The following XRRA1 variants were observed in gnomAD, a reference collection of about 807,000 sequenced individuals.
XRRA1 encodes X-ray radiation resistance-associated protein 1.
XRRA1 carries 69 observed loss-of-function variants against 80.2 expected under a neutral mutation model. That is an observed-to-expected ratio of 0.86 (90% confidence interval 0.71 to 1.05). XRRA1 has a LOEUF of 1.05. Among genes scored for constraint, XRRA1 ranks in the 50% least tolerant of loss-of-function variants. The pLI is 0.00. For missense variants in XRRA1, 967 were observed against 976.4 expected (o/e 0.99, Z 0.13); for synonymous variants, 348 against 389.9 (o/e 0.89, Z 1.27).
At chr11:74,898,438 C>T (rs2052871376) in intron 10 of XRRA1, among the ~76,000 whole-genome samples, 1 of 151,950 alleles carries the variant, frequency 6.6e-6, no homozygotes, top group African/African-American at 2.4e-5. Context: ...ATGTAAATAA[C>T]TAAACTCTCC....
At chr11:74,887,175 C>A (rs1381510770) in intron 10 of XRRA1, among the ~76,000 whole-genome samples, 1 of 152,122 alleles carries the variant, frequency 6.6e-6, no homozygotes, top group East Asian at 1.9e-4. Context: ...GAGTCCATGA[C>A]AAAGATGCCT....
intron 12 of XRRA1, among the ~76,000 whole-genome samples, chr11:74,853,185 A>G (rs968022037): frequency 6.6e-6 from 1 of 152,212 alleles, no homozygotes; most frequent in Non-Finnish European, 1.5e-5. Context: ...GATAAGTGTC[A>G]CAAGAGAGGT....
Position 74,843,010 on chromosome 11 carries a change from C to T in XRRA1, c.*190G>A. 2.8e-6 allele frequency: 2 copies of T among 715,184 alleles called. No homozygotes were observed. The highest frequency in any genetic ancestry group is 4.5e-6 in the Non-Finnish European group (2 of 447,800). 44.3% of individuals were successfully genotyped at this position (715,184 alleles called of 1,614,324 possible). A position where few individuals can be genotyped will look rare whatever the true frequency, so the allele number is the denominator to read the frequency against. ...TCTTTATTGCCGCTGGGCCAGGCAC[C>T]AGGTCATGCCTGGGCCAAGGAGGGG... On this transcript the variant is annotated 3_prime_UTR_variant, in exon 19 of 19. Transcript: ENST00000684022.
chr11:74,883,655 A>G (rs757665338), intron 10 of XRRA1, among the ~76,000 whole-genome samples: 2 of 152,228 alleles, frequency 1.3e-5, no homozygotes, highest in Non-Finnish European at 2.9e-5. Flanking sequence ...ACACATGGAC[A>G]TGCCTTTCTT....
At chr11:74,899,077 G>A (rs2053038085) in intron 10 of XRRA1, among the ~76,000 whole-genome samples, 1 of 151,896 alleles carries the variant, frequency 6.6e-6, no homozygotes, top group Admixed American at 6.6e-5. Flanking sequence ...TGACCATAAT[G>A]GAATAAAATT....
At chr11:74,846,872 A>G (rs1481414145) in intron 15 of XRRA1, among the ~76,000 whole-genome samples, 1 of 151,962 alleles carries the variant, frequency 6.6e-6, no homozygotes, top group Non-Finnish European at 1.5e-5. Flanking sequence ...TCTGTTCATC[A>G]TTGTATTAAA....
intron 10 of XRRA1, among the ~76,000 whole-genome samples, chr11:74,888,322 G>T (rs934236038): frequency 2.0e-5 from 3 of 152,174 alleles, no homozygotes; most frequent in African/African-American, 7.2e-5. Flanking sequence ...GGTCTAGAGT[G>T]GACCTCCAGC....
chr11:74,841,247 T>C lies in XRRA1; in HGVS notation c.*1953A>G, dbSNP rs1292459090. ...CCCATAGAGTGGTCTTTTGAACTGG[T>C]ATCTAAACATACCTGGTTATGAATT... On this transcript the variant is annotated 3_prime_UTR_variant, in exon 19 of 19. Transcript: ENST00000684022. 6.6e-6 allele frequency: 1 copy of C among 152,166 alleles called. No homozygotes were observed. The highest frequency in any genetic ancestry group is 1.5e-5 in the Non-Finnish European group (1 of 68,036). 9.4% of individuals were successfully genotyped at this position (152,166 alleles called of 1,614,324 possible). A position where few individuals can be genotyped will look rare whatever the true frequency, so the allele number is the denominator to read the frequency against.
intron 10 of XRRA1, among the ~76,000 whole-genome samples, chr11:74,868,190 A>C (rs1187665511): frequency 6.6e-6 from 1 of 152,188 alleles, no homozygotes; most frequent in Admixed American, 6.5e-5. Flanking sequence ...AAGTGCTAGG[A>C]TTACAGGTAT....
chr11:74,915,525 A>G (rs1444644412), intron 8 of XRRA1, among the ~76,000 whole-genome samples: 1 of 152,236 alleles, frequency 6.6e-6, no homozygotes, highest in African/African-American at 2.4e-5. Context: ...TGCCAATGGC[A>G]GAGGCCACTG....
chr11:74,903,189 TACATATACATA>T (rs2053899648), intron 10 of XRRA1, among the ~76,000 whole-genome samples: 6 of 152,342 alleles, frequency 3.9e-5, no homozygotes, highest in African/African-American at 1.4e-4. Context: ...TTTTTAAAAC[TACATATACATA>T]TACTCTGTCA....
chr11:74,851,913 G>T, intron 13 of XRRA1, 76 bp downstream of exon 13: 1 of 1,250,840 alleles, frequency 8.0e-7, no homozygotes, highest in Non-Finnish European at 1.2e-6. Context: ...GCTTGGCATT[G>T]ATGAGGTGGG....
rs1366292246 is a variant in XRRA1 at position 74,848,115 on chromosome 11, C to T, written c.1728G>A (p.Gln576=). 6.2e-7 allele frequency: 1 copy of T among 1,605,534 alleles called. No individual in the cohort carries two copies. Among genetic ancestry groups the T allele is most frequent in the Non-Finnish European group, 8.5e-7 (1 of 1,177,962 alleles). The change falls in exon 15 of 19, where the codon CAG becomes CAA. Residue 576 remains glutamine (Q), a splice_region_variant and synonymous_variant. Transcript: ENST00000684022. The part of the protein sequence containing the change: ...SKSTESIFLT[Q]VSELPSSVIH... ...GGCAGGGGCAGCTGGATACAGGTAC[C>T]TGGGTCAGGAAGATGGACTCTGTGC...
At chr11:74,936,376 C>T (rs1023126362) in intron 4 of XRRA1, among the ~76,000 whole-genome samples, 2 of 152,366 alleles carry the variant, frequency 1.3e-5, no homozygotes, top group Non-Finnish European at 1.5e-5. Flanking sequence ...AGGACCCAGT[C>T]CCACTCAATC....
intron 10 of XRRA1, among the ~76,000 whole-genome samples, chr11:74,868,109 G>C (rs978135211): frequency 2.0e-5 from 3 of 152,002 alleles, no homozygotes; most frequent in Non-Finnish European, 4.4e-5. Flanking sequence ...AGTAGAGACA[G>C]GGTTTCACCA....
intron 14 of XRRA1, among the ~76,000 whole-genome samples, chr11:74,850,486 T>TA (rs2039501455): frequency 6.6e-6 from 1 of 152,180 alleles, no homozygotes; most frequent in African/African-American, 2.4e-5. Context: ...CATCTGTATT[T>TA]AACTTTTGGG....
At chr11:74,921,086 A>G (rs1262251857) in intron 8 of XRRA1, 128 bp downstream of exon 8, 2 of 1,253,048 alleles carry the variant, frequency 1.6e-6, no homozygotes, top group Non-Finnish European at 2.2e-6. Flanking sequence ...TGGGAGCTTC[A>G]GTAGGTGCCA....
chr11:74,902,883 CTTTAA>C (rs1424414112), intron 10 of XRRA1, among the ~76,000 whole-genome samples: 8 of 152,166 alleles, frequency 5.3e-5, no homozygotes, highest in African/African-American at 1.4e-4. Flanking sequence ...GTCAATAATA[CTTTAA>C]TTTAATTGTA....
intron 10 of XRRA1, among the ~76,000 whole-genome samples, chr11:74,879,237 G>C (rs1256044419): frequency 6.6e-6 from 1 of 150,428 alleles, no homozygotes; most frequent in African/African-American, 2.4e-5. Context: ...TTGTGAATGG[G>C]AGTTCACTCA....
Sources: gnomAD v4.1 joint callset for allele counts (sites outside exome capture counted in the v4.1 genomes callset) on GRCh38, gnomAD v4.1.1 for gene constraint, MANE v1.5 for transcripts, NCBI Gene and HGNC (gene_info 2026-07-23, HGNC 2026-07-21) for gene names.